DNAH9: variants seen among roughly 807,000 people sequenced by gnomAD.
DNAH9 encodes the protein DNAH9 variant protein.
DNAH9 carries 345 observed loss-of-function variants against 471.6 expected under a neutral mutation model. The ratio of observed to expected loss-of-function variants is 0.73; its 90% CI spans 0.67 to 0.80. The LOEUF (loss-of-function observed/expected upper bound fraction) is 0.80. Ranked by LOEUF, DNAH9 falls within the 30% of genes least tolerant of loss-of-function variation. DNAH9 has a pLI of 0.00. For synonymous variants in DNAH9, 2,093 were observed against 2,123.6 expected (o/e 0.99, Z 0.40); for missense variants, 5,407 against 5,609.2 (o/e 0.96, Z 1.15).
intron 26 of DNAH9, among the ~76,000 whole-genome samples, chr17:11,707,865 C>T (rs28710928): frequency 0.022 from 3,407 of 151,988 alleles, 91 homozygotes; most frequent in South Asian, 0.11. Flanking sequence ...TTCTCAAGGC[C>T]GTCTGTTCCA....
At chr17:11,633,595 G>A (rs995194077) in intron 8 of DNAH9, among the ~76,000 whole-genome samples, 1 of 152,196 alleles carries the variant, frequency 6.6e-6, no homozygotes, top group African/African-American at 2.4e-5. Context: ...AATCAATACC[G>A]TAATTCACAT....
chr17:11,920,093 A>G (rs549822354), intron 61 of DNAH9, among the ~76,000 whole-genome samples: 16 of 149,854 alleles, frequency 1.1e-4, no homozygotes, highest in African/African-American at 3.7e-4. Flanking sequence ...GGAGTGTGCA[A>G]TGGCACAATC....
chr17:11,919,419 C>A (rs887162978), intron 61 of DNAH9, among the ~76,000 whole-genome samples: 1 of 142,936 alleles, frequency 7.0e-6, no homozygotes, highest in African/African-American at 2.6e-5. Context: ...GGCATGAACC[C>A]GGGAGGTAGA....
chr17:11,721,587 G>A (rs575815668), intron 27 of DNAH9, among the ~76,000 whole-genome samples: 3 of 152,046 alleles, frequency 2.0e-5, no homozygotes, highest in Admixed American at 6.6e-5. Flanking sequence ...CATTGTGCAG[G>A]ATGCCAAAAA....
chr17:11,891,875 T>G lies in DNAH9; in HGVS notation c.11211T>G (p.Ser3737=). 1.2e-6 allele frequency: 2 copies of G among 1,614,162 alleles called. No individual in the cohort carries two copies. Among genetic ancestry groups the G allele is most frequent in the East Asian group, 2.2e-5 (1 of 44,868 alleles). The stretch of plus-strand genomic sequence containing the variant: ...ACCTAATAGACAGCATAACCTTCTC[T>G]GTGTACCAGTACACCATCCGCGGGC... ...VANLIDSITF[S]VYQYTIRGLF... Residue 3737 remains serine (S), a synonymous_variant, in exon 58 of 69, where the codon TCT becomes TCG. Transcript: ENST00000262442.
rs2150843854 is a variant in DNAH9, at chr17:11,747,550, C to T, written c.6400-6C>T. ...GTCCCTCTGGCTGAATTTCCTGCCT[C>T]CTCAGGTGGTCCAGCTGGAGGAGCT... is the stretch of plus-strand genomic sequence containing the variant. On this transcript the variant is annotated splice_polypyrimidine_tract_variant and splice_region_variant and intron_variant, in intron 31 of 68. Transcript: ENST00000262442. 5.6e-6 allele frequency: 9 copies of T among 1,612,746 alleles called. No individual in the cohort carries two copies. In the East Asian group the frequency reaches 1.8e-4, roughly 32 times the overall value.
intron 49 of DNAH9, among the ~76,000 whole-genome samples, chr17:11,838,213 A>G (rs1970910198): frequency 6.6e-6 from 1 of 152,202 alleles, no homozygotes. Context: ...TAAATGAAAA[A>G]GTAGCAGCAT....
At chr17:11,724,877 C>G (rs2075124942) in intron 27 of DNAH9, among the ~76,000 whole-genome samples, 1 of 152,162 alleles carries the variant, frequency 6.6e-6, no homozygotes, top group African/African-American at 2.4e-5. Context: ...TTATACAACT[C>G]ACCATCATGT....
chr17:11,718,444 T>TTTATAAATTATAAACTTATTTATAA (rs2075002889), intron 26 of DNAH9, among the ~76,000 whole-genome samples: 1 of 152,268 alleles, frequency 6.6e-6, no homozygotes, highest in African/African-American at 2.4e-5. Flanking sequence ...TGTAAACATG[T>TTTATAAATTATAAACTTATTTATAA]ATTCTTATTT....
intron 27 of DNAH9, among the ~76,000 whole-genome samples, chr17:11,725,543 G>A (rs780446794): frequency 6.7e-6 from 1 of 149,594 alleles, no homozygotes; most frequent in East Asian, 1.9e-4. Flanking sequence ...CTCAGTGAAA[G>A]GTGGGTTTTA....
intron 50 of DNAH9, among the ~76,000 whole-genome samples, chr17:11,863,886 A>G (rs1971946844): frequency 6.6e-6 from 1 of 151,500 alleles, no homozygotes; most frequent in African/African-American, 2.4e-5. Flanking sequence ...ATCATTTTTT[A>G]TTGCGTCTAT....
At chr17:11,677,043 C>T (rs2074060523) in intron 17 of DNAH9, among the ~76,000 whole-genome samples, 1 of 151,866 alleles carries the variant, frequency 6.6e-6, no homozygotes, top group African/African-American at 2.4e-5. Context: ...TAAAGTTTGC[C>T]TTATTCAATA....
intron 36 of DNAH9, among the ~76,000 whole-genome samples, chr17:11,764,487 A>G (rs1967847624): frequency 6.6e-6 from 1 of 152,132 alleles, no homozygotes; most frequent in East Asian, 1.9e-4. Flanking sequence ...AATCATTTTT[A>G]TAACCAAAAT....
chr17:11,859,279 G>C (rs1053625923), intron 50 of DNAH9, among the ~76,000 whole-genome samples: 1 of 151,606 alleles, frequency 6.6e-6, no homozygotes, highest in Non-Finnish European at 1.5e-5. Context: ...GGGCATGCTG[G>C]TGGGCACCTG....
intron 14 of DNAH9, among the ~76,000 whole-genome samples, chr17:11,654,034 A>C (rs1237308903): frequency 6.6e-6 from 1 of 152,114 alleles, no homozygotes; most frequent in African/African-American, 2.4e-5. Flanking sequence ...CAAGCAAAAA[A>C]AGGAATTACT....
intron 56 of DNAH9, among the ~76,000 whole-genome samples, chr17:11,886,215 T>C (rs1972871812): frequency 6.6e-6 from 1 of 151,990 alleles, no homozygotes; most frequent in Non-Finnish European, 1.5e-5. Flanking sequence ...TCCCAGCTAC[T>C]GGGGAGGCTG....
chr17:11,852,801 A>AGTGTGT (rs375315617), intron 49 of DNAH9, among the ~76,000 whole-genome samples: 3,016 of 40,514 alleles, frequency 0.074, 260 homozygotes, highest in Non-Finnish European at 0.1. Flanking sequence ...TATATAAGAA[A>AGTGTGT]GTGTGTGTGT....
intron 11 of DNAH9, 60 bp from the exon 12 acceptor site, chr17:11,647,012 C>T (rs2073406724): frequency 6.3e-7 from 1 of 1,583,200 alleles, no homozygotes; most frequent in African/African-American, 1.3e-5. Flanking sequence ...CAGATCATGA[C>T]CAGGCACCGG....
chr17:11,659,898 G>A (rs1409598327), intron 14 of DNAH9, among the ~76,000 whole-genome samples: 1 of 152,122 alleles, frequency 6.6e-6, no homozygotes, highest in Non-Finnish European at 1.5e-5. Context: ...CCCACGACCT[G>A]GTGTTTGGTC....
Sources: gnomAD v4.1 joint callset for allele counts (sites outside exome capture counted in the v4.1 genomes callset) on GRCh38, gnomAD v4.1.1 for gene constraint, MANE v1.5 for transcripts, NCBI Gene and HGNC (gene_info 2026-07-23, HGNC 2026-07-21) for gene names.